BCL2: variants seen among roughly 807,000 people sequenced by gnomAD.
BCL2 encodes apoptosis regulator Bcl-2.
A neutral mutation model predicts 14.2 loss-of-function variants in BCL2; 1 was observed. The observed-to-expected ratio is 0.07, with a 90% confidence interval of 0.02 to 0.33. The LOEUF (loss-of-function observed/expected upper bound fraction) is 0.33. Among genes scored for constraint, BCL2 ranks in the 10% least tolerant of loss-of-function variants. The probability of loss-of-function intolerance (pLI) is 0.99; values close to 1 mark genes in which losing one functional copy is unlikely to be tolerated. For missense variants in BCL2, 247 were observed against 305.9 expected (o/e 0.81, Z 1.44); for synonymous variants, 151 against 137.2 (o/e 1.10, Z -0.70).
intron 2 of BCL2, among the ~76,000 whole-genome samples, chr18:63,132,327 C>T (rs1914090770): frequency 6.6e-6 from 1 of 152,220 alleles, no homozygotes; most frequent in Non-Finnish European, 1.5e-5. Context: ...GCAGAACAAA[C>T]ACCTTGCTCT....
intron 2 of BCL2, among the ~76,000 whole-genome samples, chr18:63,301,076 C>T (rs1402611125): frequency 2.0e-5 from 3 of 152,148 alleles, no homozygotes; most frequent in Non-Finnish European, 4.4e-5. Context: ...CATGGGTGAA[C>T]TCTGAAAATA....
intron 2 of BCL2, among the ~76,000 whole-genome samples, chr18:63,194,121 A>G (rs891257885): frequency 2.3e-4 from 35 of 152,282 alleles, no homozygotes; most frequent in African/African-American, 8.2e-4. Context: ...ATCCAATCCC[A>G]TATAAACCAC....
At chr18:63,313,718 C>T (rs1348222061) in intron 2 of BCL2, 1 of 152,142 alleles carries the variant, frequency 6.6e-6, no homozygotes, top group Non-Finnish European at 1.5e-5. Context: ...ATGCAGCACC[C>T]ACACACTCGC....
chr18:63,257,780 T>TGAG (rs1407204986), intron 2 of BCL2, among the ~76,000 whole-genome samples: 3 of 152,198 alleles, frequency 2.0e-5, no homozygotes, highest in African/African-American at 7.2e-5. Flanking sequence ...TCCAAGAATT[T>TGAG]GTTTGAGAAA....
chr18:63,145,737 T>C (rs1914495223), intron 2 of BCL2, among the ~76,000 whole-genome samples: 1 of 152,208 alleles, frequency 6.6e-6, no homozygotes, highest in South Asian at 2.1e-4. Context: ...TTTTGGCAGT[T>C]GCATGCTGAG....
intron 2 of BCL2, among the ~76,000 whole-genome samples, chr18:63,312,764 T>C (rs1419682189): frequency 6.6e-6 from 1 of 152,252 alleles, no homozygotes; most frequent in Non-Finnish European, 1.5e-5. Context: ...TTAAGAAAGA[T>C]AGTTCTTCAA....
At chr18:63,236,931 T>C (rs1910852996) in intron 2 of BCL2, among the ~76,000 whole-genome samples, 1 of 152,216 alleles carries the variant, frequency 6.6e-6, no homozygotes, top group South Asian at 2.1e-4. Flanking sequence ...GACTCTTCAT[T>C]CTGTTTTTCA....
chr18:63,144,727 C>T (rs1241052639), intron 2 of BCL2, among the ~76,000 whole-genome samples: 3 of 152,156 alleles, frequency 2.0e-5, no homozygotes, highest in Admixed American at 2.0e-4. Context: ...AAGGAAGTGG[C>T]ATGGGAGTTT....
At chr18:63,169,608 C>T (rs1359063616) in intron 2 of BCL2, among the ~76,000 whole-genome samples, 1 of 151,106 alleles carries the variant, frequency 6.6e-6, no homozygotes, top group African/African-American at 2.4e-5. Context: ...CTGCAACCTC[C>T]ACCTCCTGGG....
intron 2 of BCL2, among the ~76,000 whole-genome samples, chr18:63,295,043 T>C (rs1398458922): frequency 2.7e-5 from 4 of 150,608 alleles, no homozygotes; most frequent in African/African-American, 9.8e-5. Flanking sequence ...CGAGTGCCTA[T>C]AGTCCCAGCT....
chr18:63,276,569 T>C (rs1239431271), intron 2 of BCL2, among the ~76,000 whole-genome samples: 3 of 152,230 alleles, frequency 2.0e-5, no homozygotes, highest in Non-Finnish European at 2.9e-5. Context: ...AAGGGTTTCC[T>C]CCATGATTTT....
rs370282058 is a variant in BCL2, at chr18:63,155,783, T to C, written c.586-27024A>G. Among the ~76,000 whole-genome samples the C allele has an allele frequency of 8.5e-4, 129 of 152,306 alleles. 1 individual carries two copies. Among genetic ancestry groups the C allele is most frequent in the Middle Eastern group, 3.4e-3 (1 of 294 alleles). On this transcript the variant is annotated intron_variant, in intron 2 of 2. Coordinates refer to ENST00000333681, the MANE Select transcript of BCL2 (RefSeq NM_000633.3). ...TGCCAATTGCAGGCCCTGCAGATCT[T>C]GCCCCGAGCTCAGGGTCACCTTGAA... is the stretch of plus-strand genomic sequence containing the variant.
intron 2 of BCL2, among the ~76,000 whole-genome samples, chr18:63,237,603 G>C (rs1287678255): frequency 6.6e-6 from 1 of 152,130 alleles, no homozygotes; most frequent in African/African-American, 2.4e-5. Context: ...CTCACTTACT[G>C]CCATCCCTCA....
At chr18:63,182,580 G>C (rs779104494) in intron 2 of BCL2, among the ~76,000 whole-genome samples, 1 of 152,216 alleles carries the variant, frequency 6.6e-6, no homozygotes, top group African/African-American at 2.4e-5. Flanking sequence ...AGGAAGAAGA[G>C]AGAGCAGCTA....
intron 2 of BCL2, chr18:63,314,510 A>G (rs114022264): frequency 2.4e-4 from 36 of 152,374 alleles, no homozygotes; most frequent in African/African-American, 7.7e-4. Flanking sequence ...CATCTTGTCA[A>G]CAGAATAAAG....
chr18:63,158,744 A>G (rs1038341585), intron 2 of BCL2, among the ~76,000 whole-genome samples: 2 of 152,214 alleles, frequency 1.3e-5, no homozygotes, highest in Non-Finnish European at 2.9e-5. Flanking sequence ...ATGCCAAGAG[A>G]AATTTATAGC....
At chr18:63,154,099 A>G (rs1014870836) in intron 2 of BCL2, among the ~76,000 whole-genome samples, 1 of 152,178 alleles carries the variant, frequency 6.6e-6, no homozygotes, top group African/African-American at 2.4e-5. Flanking sequence ...ACACCTTCCC[A>G]AAATCTGCCT....
At chr18:63,266,637 T>TCTCACACACACACACA (rs1491465885) in intron 2 of BCL2, among the ~76,000 whole-genome samples, 11 of 86,010 alleles carry the variant, frequency 1.3e-4, no homozygotes, top group African/African-American at 3.6e-4. Flanking sequence ...TCTCTCTCTC[T>TCTCACACACACACACA]CACACACACA....
chr18:63,204,733 A>G (rs1909786924), intron 2 of BCL2, among the ~76,000 whole-genome samples: 1 of 152,162 alleles, frequency 6.6e-6, no homozygotes, highest in South Asian at 2.1e-4. Context: ...CAATACTAGG[A>G]AGTATTATAC....
Sources: gnomAD v4.1 joint callset for allele counts (sites outside exome capture counted in the v4.1 genomes callset) on GRCh38, gnomAD v4.1.1 for gene constraint, MANE v1.5 for transcripts, NCBI Gene and HGNC (gene_info 2026-07-23, HGNC 2026-07-21) for gene names.